The following CASD1 variants were observed in gnomAD, a reference collection of about 807,000 sequenced individuals.
CASD1 encodes CAS1 domain sialic acid O acetyltransferase 1, also known as N-acetylneuraminate (7)9-O-acetyltransferase.
In CASD1, 41 loss-of-function variants were observed where a neutral mutation model predicts 100.0. The observed-to-expected ratio is 0.41, with a 90% CI of 0.32 to 0.53. CASD1 has a LOEUF of 0.53. Among genes scored for constraint, CASD1 ranks in the 20% least tolerant of loss-of-function variants. The pLI, the probability that CASD1 is intolerant of heterozygous loss-of-function variation, is 0.25. For synonymous variants in CASD1, 321 were observed against 315.6 expected (o/e 1.02, Z -0.18); for missense variants, 774 against 948.7 (o/e 0.82, Z 2.42).
intron 1 of CASD1, among the ~76,000 whole-genome samples, chr7:94,510,494 A>C (rs887340752): frequency 6.6e-6 from 1 of 152,166 alleles, no homozygotes; most frequent in African/African-American, 2.4e-5. Flanking sequence ...CCTGGCCAAA[A>C]GTGCTGCTGA....
the CASD1 span, among the ~76,000 whole-genome samples, chr7:94,574,834 G>T: frequency 6.6e-6 from 1 of 152,054 alleles, no homozygotes; most frequent in Non-Finnish European, 1.5e-5. Context: ...GCCGGGCATG[G>T]CAGCGGGCAC....
intron 3 of CASD1, chr7:94,524,257 T>A (rs572117550): frequency 1.3e-5 from 2 of 152,174 alleles, no homozygotes; most frequent in East Asian, 3.9e-4. Context: ...AAAGAGTATC[T>A]ATTCACCAAA....
chr7:94,585,588 A>C, the CASD1 span: 2 of 949,780 alleles, frequency 2.1e-6, no homozygotes, highest in Non-Finnish European at 3.5e-6. Context: ...GAGCAAAGCA[A>C]ATTATGGCAA....
the CASD1 span, among the ~76,000 whole-genome samples, chr7:94,609,639 A>G: frequency 6.6e-6 from 1 of 152,240 alleles, no homozygotes; most frequent in Non-Finnish European, 1.5e-5. Context: ...ACATATCATC[A>G]TGGAAAGACA....
chr7:94,587,342 A>G, the CASD1 span: 2 of 1,013,246 alleles, frequency 2.0e-6, no homozygotes, highest in African/African-American at 3.4e-5. Context: ...GGATTTTTAA[A>G]TACTCAAAAT....
At chr7:94,540,508 AAGTC>A (rs1181683885) in intron 10 of CASD1, among the ~76,000 whole-genome samples, 1 of 152,188 alleles carries the variant, frequency 6.6e-6, no homozygotes, top group Non-Finnish European at 1.5e-5. Context: ...TGAAGTGTAG[AAGTC>A]AGAGAAATGA....
intron 10 of CASD1, among the ~76,000 whole-genome samples, chr7:94,542,383 GATTA>G (rs1217847506): frequency 4.6e-5 from 7 of 152,048 alleles, no homozygotes; most frequent in Admixed American, 3.9e-4. Flanking sequence ...CATTAAATAT[GATTA>G]ATTATGATAA....
At chr7:94,564,640 G>C in the CASD1 span, among the ~76,000 whole-genome samples, 1 of 152,124 alleles carries the variant, frequency 6.6e-6, no homozygotes, top group Admixed American at 6.5e-5. Flanking sequence ...CAACAGGATG[G>C]ATCCATGGAC....
intron 14 of CASD1, 37 bp from the exon 15 acceptor site, chr7:94,551,301 A>C: frequency 1.3e-6 from 2 of 1,489,910 alleles, no homozygotes; most frequent in Non-Finnish European, 1.8e-6. Context: ...TTTGAAAAGT[A>C]ACTGTTTAAA....
chr7:94,613,411 C>G, the CASD1 span, among the ~76,000 whole-genome samples: 1 of 152,086 alleles, frequency 6.6e-6, no homozygotes, highest in African/African-American at 2.4e-5. Flanking sequence ...ATGACCCTAG[C>G]ACATGTTTTC....
intron 5 of CASD1, among the ~76,000 whole-genome samples, chr7:94,528,890 A>G (rs968010054): frequency 9.2e-5 from 14 of 152,210 alleles, no homozygotes; most frequent in African/African-American, 3.4e-4. Flanking sequence ...ATAAAACAAT[A>G]TTTAATTTTA....
chr7:94,570,407 C>T, the CASD1 span, among the ~76,000 whole-genome samples: 3 of 152,154 alleles, frequency 2.0e-5, no homozygotes, highest in Non-Finnish European at 4.4e-5. Context: ...TGCTTCTATA[C>T]AACTGTATCC....
At chr7:94,603,943 T>C in the CASD1 span, among the ~76,000 whole-genome samples, 9 of 152,146 alleles carry the variant, frequency 5.9e-5, no homozygotes, top group African/African-American at 1.9e-4. Flanking sequence ...TAGACATTAC[T>C]ATTTTACCTA....
At chr7:94,580,805 T>C in the CASD1 span, among the ~76,000 whole-genome samples, 1 of 152,240 alleles carries the variant, frequency 6.6e-6, no homozygotes, top group Admixed American at 6.5e-5. Flanking sequence ...CACTGAAACA[T>C]ATCATTCTCT....
the CASD1 span, among the ~76,000 whole-genome samples, chr7:94,633,064 CA>C: frequency 6.6e-6 from 1 of 152,000 alleles, no homozygotes; most frequent in South Asian, 2.1e-4. Flanking sequence ...CTGAAATATA[CA>C]TGTGTACAGT....
At chr7:94,574,710 C>T in the CASD1 span, among the ~76,000 whole-genome samples, 15 of 151,708 alleles carry the variant, frequency 9.9e-5, no homozygotes, top group African/African-American at 1.5e-4. Flanking sequence ...GTGGCTCATG[C>T]GTGTAATCCC....
At chr7:94,603,404 T>C in the CASD1 span, 2 of 1,613,266 alleles carry the variant, frequency 1.2e-6, no homozygotes, top group Non-Finnish European at 1.7e-6. Context: ...TTTCAACTTC[T>C]CGTAAACAAG....
At chr7:94,628,215 G>A in the CASD1 span, 2 of 1,610,296 alleles carry the variant, frequency 1.2e-6, no homozygotes, top group African/African-American at 2.7e-5. Context: ...AATGATTGTT[G>A]GCTTCCCCAC....
At chr7:94,623,039 A>G in the CASD1 span, among the ~76,000 whole-genome samples, 6 of 152,128 alleles carry the variant, frequency 3.9e-5, no homozygotes, top group Non-Finnish European at 7.4e-5. Context: ...CCCCACACTT[A>G]TAAGAGAAAT....
Sources: allele counts gnomAD v4.1 joint callset (sites outside exome capture counted in the v4.1 genomes callset), GRCh38; gene constraint gnomAD v4.1.1; transcripts MANE v1.5; gene names NCBI Gene and HGNC (gene_info 2026-07-23, HGNC 2026-07-21).